The following CACNG2 variants were observed in gnomAD, a reference collection of about 807,000 sequenced individuals.
The protein encoded by CACNG2 is calcium voltage-gated channel auxiliary subunit gamma 2.
In CACNG2, 3 loss-of-function variants were observed where a neutral mutation model predicts 25.9. The observed-to-expected ratio is 0.12, with a 90% CI of 0.05 to 0.30. The LOEUF (loss-of-function observed/expected upper bound fraction) is 0.30, where lower values mean the gene tolerates loss of function less well. Ranked by LOEUF, CACNG2 falls within the 10% of genes least tolerant of loss-of-function variation. CACNG2 has a pLI of 1.00. For synonymous variants in CACNG2, 167 were observed against 173.3 expected (o/e 0.96, Z 0.29); for missense variants, 341 against 432.5 (o/e 0.79, Z 1.88).
rs570283222 is a variant in CACNG2 at position 36,643,431 on chromosome 22, C to T, written c.212-55883G>A. ...TGAACAAAATAGACAAAACTCTTTG[C>T]TTATTTGGGACTTACATTCTAATGA... On this transcript the variant is annotated intron_variant, in intron 1 of 3. Coordinates refer to ENST00000300105, the MANE Select transcript of CACNG2 (RefSeq NM_006078.5). Among the ~76,000 whole-genome samples, 7 of 152,070 alleles carry T rather than the reference C, an allele frequency of 4.6e-5. No homozygotes were observed. In the South Asian group the frequency reaches 1.5e-3, roughly 32 times the overall value.
rs183029332 is a variant in CACNG2 at position 36,564,910 on chromosome 22, T to A, written c.437-24A>T. On this transcript the variant is annotated intron_variant, in intron 3 of 3. Transcript: ENST00000300105. The surrounding 1 kb of genome is among the most constrained non-coding windows in gnomAD (Gnocchi z 6.7). ...ACCTGCGGGGCGCAGGGTGGCGGGG[T>A]GGGGGATCAGAGAGAAGGACGTTAG... is the stretch of plus-strand genomic sequence containing the variant. 209 of 1,600,674 alleles carry A rather than the reference T, an allele frequency of 1.3e-4. 1 individual carries two copies. The highest frequency in any genetic ancestry group is 2.1e-5 in the Non-Finnish European group (25 of 1,176,008).
chr22:36,585,796 C>T (rs886527044), intron 2 of CACNG2, among the ~76,000 whole-genome samples: 1 of 152,220 alleles, frequency 6.6e-6, no homozygotes, highest in African/African-American at 2.4e-5. Flanking sequence ...TGTCCAGGGA[C>T]ACCAAAATGA....
chr22:36,616,516 T>C (rs1936023567), intron 1 of CACNG2, among the ~76,000 whole-genome samples: 1 of 152,236 alleles, frequency 6.6e-6, no homozygotes, highest in South Asian at 2.1e-4. Flanking sequence ...AGAGTGTAAG[T>C]TCCTGGAAAC....
intron 1 of CACNG2, among the ~76,000 whole-genome samples, chr22:36,655,736 C>CTTCCTTTCTTCCTTTCTTCCTT (rs1569042522): frequency 8.2e-4 from 117 of 141,868 alleles, no homozygotes; most frequent in African/African-American, 3.3e-3. Context: ...TTCTTTCTTT[C>CTTCCTTTCTTCCTTTCTTCCTT]TCTTCCTTTC....
At chr22:36,645,084 G>T (rs1936498281) in intron 1 of CACNG2, among the ~76,000 whole-genome samples, 1 of 152,148 alleles carries the variant, frequency 6.6e-6, no homozygotes, top group Non-Finnish European at 1.5e-5. Flanking sequence ...CTAAAATGTT[G>T]AATTCTGTGT....
In CACNG2 at chr22:36,566,381, C is replaced by G; in HGVS notation, c.408G>C (p.Leu136=). ...EFYKTRHNII[L]SAGIFFVSAG... is the part of the protein sequence containing the mutation. ...CAGACACGAAGAAGATGCCGGCACT[C>G]AGGATGATGTTGTGTCGAGTTTTGT... is the stretch of plus-strand genomic sequence containing the variant. Residue 136 remains leucine, a synonymous_variant, in exon 3 of 4, where the codon CTG becomes CTC. Transcript: ENST00000300105. 6.2e-7 allele frequency: 1 copy of G among 1,614,160 alleles called. No individual in the cohort carries two copies. Among genetic ancestry groups the G allele is most frequent in the Non-Finnish European group, 8.5e-7 (1 of 1,180,030 alleles).
At chr22:36,680,317 G>A (rs544294686) in intron 1 of CACNG2, among the ~76,000 whole-genome samples, 35 of 145,976 alleles carry the variant, frequency 2.4e-4, no homozygotes, top group African/African-American at 8.8e-4. Context: ...CTGCATCATG[G>A]CTATAATTAC....
At chr22:36,616,282 G>A (rs1936021239) in intron 1 of CACNG2, among the ~76,000 whole-genome samples, 1 of 152,132 alleles carries the variant, frequency 6.6e-6, no homozygotes, top group African/African-American at 2.4e-5. Flanking sequence ...TTATTGTTGA[G>A]TTATTTTAAT....
chr22:36,643,257 C>G, intron 1 of CACNG2, among the ~76,000 whole-genome samples: 1 of 147,622 alleles, frequency 6.8e-6, no homozygotes, highest in Non-Finnish European at 1.5e-5. Flanking sequence ...TTCTTTCTTT[C>G]TCTCTCTTTC....
At chr22:36,691,653 T>C (rs539636573) in intron 1 of CACNG2, among the ~76,000 whole-genome samples, 5 of 152,220 alleles carry the variant, frequency 3.3e-5, no homozygotes, top group Admixed American at 6.5e-5. Context: ...CTCTGCCATT[T>C]GCTGTGTGAC....
Position 36,643,474 on chromosome 22 carries a change from G to GTCTGTCTGTCTA in CACNG2, c.212-55927_212-55926insTAGACAGACAGA, listed in dbSNP as rs561518849. On this transcript the variant is annotated intron_variant, in intron 1 of 3. Transcript: ENST00000300105. Reference sequence around the variant, plus strand: ...TCTAATGATCTACATCTATCTGTCTGTCTATCTATCTATCTATCTATCTAT... The same window carrying GTCTGTCTGTCTA: ...TCTAATGATCTACATCTATCTGTCTGTCTGTCTGTCTATCTATCTATCTATCTATCTATCTAT... 9.3e-3 allele frequency among the ~76,000 whole-genome samples: 1,382 copies of GTCTGTCTGTCTA among 149,206 alleles called. 6 individuals are homozygous for GTCTGTCTGTCTA. Among genetic ancestry groups the GTCTGTCTGTCTA allele is most frequent in the Non-Finnish European group, 0.011 (735 of 67,402 alleles).
At chr22:36,662,297 T>C (rs922416232) in intron 1 of CACNG2, among the ~76,000 whole-genome samples, 1 of 152,184 alleles carries the variant, frequency 6.6e-6, no homozygotes, top group Non-Finnish European at 1.5e-5. Flanking sequence ...ATTGCTATTC[T>C]AAGCCATCTT....
chr22:36,578,523 C>G (rs150126131), intron 2 of CACNG2, among the ~76,000 whole-genome samples: 4 of 152,156 alleles, frequency 2.6e-5, no homozygotes, highest in Non-Finnish European at 5.9e-5. Context: ...CCAAAGGTCA[C>G]AGAGTGGAGC....
At chr22:36,622,434 T>C (rs1936119894) in intron 1 of CACNG2, among the ~76,000 whole-genome samples, 1 of 152,230 alleles carries the variant, frequency 6.6e-6, no homozygotes, top group Non-Finnish European at 1.5e-5. Context: ...ATGAGGATCA[T>C]GAGGTCCAGG....
intron 1 of CACNG2, among the ~76,000 whole-genome samples, chr22:36,652,639 C>T (rs911256667): frequency 5.3e-5 from 8 of 152,098 alleles, no homozygotes; most frequent in Non-Finnish European, 1.2e-4. Context: ...TATCAATGTG[C>T]TGTTTTGCTG....
chr22:36,569,357 G>T (rs918280224), intron 2 of CACNG2, among the ~76,000 whole-genome samples: 6 of 152,010 alleles, frequency 3.9e-5, no homozygotes, highest in African/African-American at 1.5e-4. Flanking sequence ...CTCAACTTTT[G>T]GAGCACCCTG....
chr22:36,643,490 A>G (rs13433599), intron 1 of CACNG2, among the ~76,000 whole-genome samples: 8,514 of 146,494 alleles, frequency 0.058, 438 homozygotes, highest in East Asian at 0.22. Flanking sequence ...CTATCTATCT[A>G]TCTATCTATC....
rs71193254 is a variant in CACNG2, at chr22:36,661,966, C to CTTTTTTTTTT, written c.211+40390_211+40399dup. On this transcript the variant is annotated intron_variant, in intron 1 of 3. Coordinates refer to ENST00000300105, the MANE Select transcript of CACNG2 (RefSeq NM_006078.5). Reference sequence around the variant, plus strand: ...TGCTTCCTATGGACTCATTGCTATTCTTTTTTTTTTTTTTTTTTTTTTTTT... The same window carrying CTTTTTTTTTT: ...TGCTTCCTATGGACTCATTGCTATTCTTTTTTTTTTTTTTTTTTTTTTTTTTTTTTTTTTT... Among the ~76,000 whole-genome samples the CTTTTTTTTTT allele has an allele frequency of 2.5e-4, 11 of 44,588 alleles. 1 individual carries two copies. Among genetic ancestry groups the CTTTTTTTTTT allele is most frequent in the Non-Finnish European group, 5.2e-4 (8 of 15,322 alleles). The allele number at this position is 44,588 out of a possible 152,430, so 29.3% of individuals were successfully genotyped here. A position where few individuals can be genotyped will look rare whatever the true frequency, so the allele number is the denominator to read the frequency against.
chr22:36,660,426 C>T (rs1248923052), intron 1 of CACNG2, among the ~76,000 whole-genome samples: 2 of 152,252 alleles, frequency 1.3e-5, no homozygotes, highest in Non-Finnish European at 2.9e-5. Context: ...GTTTTCCTTC[C>T]GATGCTGCTT....
Sources: gnomAD v4.1 joint callset for allele counts (sites outside exome capture counted in the v4.1 genomes callset) on GRCh38, gnomAD v4.1.1 for gene constraint, Gnocchi (gnomAD v3.1) non-coding constraint, MANE v1.5 for transcripts, NCBI Gene and HGNC (gene_info 2026-07-23, HGNC 2026-07-21) for gene names.